SDK1: variants seen among roughly 807,000 people sequenced by gnomAD.
The protein encoded by SDK1 is protein sidekick-1.
SDK1 carries 157 observed loss-of-function variants against 245.5 expected under a neutral mutation model. The observed-to-expected ratio is 0.64, with a 90% CI of 0.56 to 0.73. SDK1 has a LOEUF of 0.73. SDK1 is among the 30% of genes least tolerant of loss of function. The pLI is 0.00. For synonymous variants in SDK1, 1,647 were observed against 1,278.5 expected (o/e 1.29, Z -6.15); for missense variants, 3,583 against 3,002.3 (o/e 1.19, Z -4.52).
At chr7:4,100,814 C>T (rs761984375) in intron 22 of SDK1, among the ~76,000 whole-genome samples, 34 of 152,172 alleles carry the variant, frequency 2.2e-4, no homozygotes, top group Admixed American at 8.5e-4. Context: ...GAGGCTGGAC[C>T]GCTCGGCACA....
chr7:3,987,348 C>G (rs779282158), intron 14 of SDK1, 26 bp downstream of exon 14: 32 of 1,610,934 alleles, frequency 2.0e-5, no homozygotes, highest in Non-Finnish European at 2.7e-5. Context: ...AAACTGTCAC[C>G]ATGGACGATA....
At chr7:4,184,008 CAG>C (rs2128220779) in intron 35 of SDK1, among the ~76,000 whole-genome samples, 1 of 152,344 alleles carries the variant, frequency 6.6e-6, no homozygotes, top group South Asian at 2.1e-4. Flanking sequence ...GTTTACACTG[CAG>C]AGAGTTTTCT....
chr7:3,650,175 A>G (rs1408411213), intron 4 of SDK1, among the ~76,000 whole-genome samples: 4 of 152,310 alleles, frequency 2.6e-5, no homozygotes, highest in African/African-American at 7.2e-5. Flanking sequence ...TTGGCCTCCC[A>G]GAGCGCTGGG....
At chr7:4,057,579 C>T (rs1779281267) in intron 19 of SDK1, among the ~76,000 whole-genome samples, 2 of 152,312 alleles carry the variant, frequency 1.3e-5, no homozygotes, top group Middle Eastern at 3.4e-3. Flanking sequence ...TGGCCCCCTG[C>T]AGCCATTGCC....
intron 1 of SDK1, among the ~76,000 whole-genome samples, chr7:3,391,132 C>G (rs993605738): frequency 2.6e-5 from 4 of 152,070 alleles, no homozygotes; most frequent in Non-Finnish European, 4.4e-5. Flanking sequence ...AAAGTTCATA[C>G]CAGATCAAGA....
intron 40 of SDK1, among the ~76,000 whole-genome samples, chr7:4,230,114 G>A (rs1385460513): frequency 7.0e-6 from 1 of 142,478 alleles, no homozygotes; most frequent in Non-Finnish European, 1.5e-5. Context: ...GGAGGTGGAT[G>A]AGTGGGTGGC....
At chr7:3,482,925 A>G (rs944574371) in intron 1 of SDK1, among the ~76,000 whole-genome samples, 2 of 151,478 alleles carry the variant, frequency 1.3e-5, no homozygotes, top group Admixed American at 6.5e-5. Context: ...GTTAGCTATG[A>G]TGATGCTGGT....
At chr7:3,363,953 A>C (rs954023868) in intron 1 of SDK1, among the ~76,000 whole-genome samples, 1 of 152,186 alleles carries the variant, frequency 6.6e-6, no homozygotes, top group South Asian at 2.1e-4. Flanking sequence ...TCACATCCTC[A>C]TCATTATTTG....
At chr7:3,377,902 C>T (rs1781394127) in intron 1 of SDK1, among the ~76,000 whole-genome samples, 1 of 152,106 alleles carries the variant, frequency 6.6e-6, no homozygotes, top group African/African-American at 2.4e-5. Flanking sequence ...CGTCAGCCTC[C>T]CGAGTAGCTG....
chr7:3,764,795 T>C (rs1373065972), intron 4 of SDK1, among the ~76,000 whole-genome samples: 2 of 152,160 alleles, frequency 1.3e-5, no homozygotes, highest in Non-Finnish European at 2.9e-5. Flanking sequence ...TCATAATGAA[T>C]ATGTATTTTA....
chr7:4,193,167 ATATT>A (rs1209420075), intron 35 of SDK1, among the ~76,000 whole-genome samples: 17 of 134,230 alleles, frequency 1.3e-4, no homozygotes, highest in South Asian at 2.2e-4. Flanking sequence ...ATATATTAAA[ATATT>A]TATATATTGT....
chr7:4,029,899 G>A (rs942405781), intron 17 of SDK1, among the ~76,000 whole-genome samples: 1 of 152,200 alleles, frequency 6.6e-6, no homozygotes, highest in African/African-American at 2.4e-5. Flanking sequence ...AATGTAGAAA[G>A]GATAAGCCAA....
intron 1 of SDK1, among the ~76,000 whole-genome samples, chr7:3,342,405 A>G (rs960071980): frequency 4.6e-5 from 7 of 152,098 alleles, no homozygotes; most frequent in Admixed American, 6.5e-5. Flanking sequence ...CCTGACCGAC[A>G]TGGAGAAACA....
intron 1 of SDK1, among the ~76,000 whole-genome samples, chr7:3,468,895 C>T (rs1781094782): frequency 6.6e-6 from 1 of 152,126 alleles, no homozygotes; most frequent in South Asian, 2.1e-4. Flanking sequence ...TGATTTTTAG[C>T]ATACCTTCAG....
chr7:3,727,072 C>A (rs1340539702), intron 4 of SDK1, among the ~76,000 whole-genome samples: 1 of 152,200 alleles, frequency 6.6e-6, no homozygotes, highest in Non-Finnish European at 1.5e-5. Context: ...ATAGGCATGA[C>A]ATGCTTCTGA....
intron 4 of SDK1, among the ~76,000 whole-genome samples, chr7:3,775,416 C>G (rs183324861): frequency 6.6e-6 from 1 of 150,628 alleles, no homozygotes; most frequent in African/African-American, 2.4e-5. Flanking sequence ...CAAAGAAAGC[C>G]TTTTTTTTTA....
intron 2 of SDK1, among the ~76,000 whole-genome samples, chr7:3,626,678 C>G (rs184996011): frequency 1.3e-5 from 2 of 152,314 alleles, no homozygotes; most frequent in Admixed American, 1.3e-4. Context: ...GCCCTAGTGT[C>G]TTAGAGTGAT....
intron 4 of SDK1, among the ~76,000 whole-genome samples, chr7:3,742,686 AC>A (rs1346419865): frequency 6.6e-6 from 1 of 152,122 alleles, no homozygotes; most frequent in Non-Finnish European, 1.5e-5. Flanking sequence ...TCTGTGTAAA[AC>A]TTTTAACACC....
At chr7:3,953,663 ATGTT>A (rs1781010002) in intron 7 of SDK1, among the ~76,000 whole-genome samples, 1 of 152,216 alleles carries the variant, frequency 6.6e-6, no homozygotes, top group Admixed American at 6.5e-5. Flanking sequence ...TTAAACGAGA[ATGTT>A]TGTTTCGATC....
Sources: gnomAD v4.1 joint callset for allele counts (sites outside exome capture counted in the v4.1 genomes callset) on GRCh38, gnomAD v4.1.1 for gene constraint, MANE v1.5 for transcripts, NCBI Gene and HGNC (gene_info 2026-07-23, HGNC 2026-07-21) for gene names.